Variants in USH2A observed in about 807,000 individuals in gnomAD.
USH2A encodes Usher syndrome 2A (autosomal recessive, mild).
USH2A carries 443 observed loss-of-function variants against 538.9 expected under a neutral mutation model. The ratio of observed to expected loss-of-function variants is 0.82; its 90% CI spans 0.76 to 0.89. The LOEUF (loss-of-function observed/expected upper bound fraction) is 0.89, where lower values mean the gene tolerates loss of function less well. Ranked by LOEUF, USH2A falls within the 40% of genes least tolerant of loss-of-function variation. The pLI, the probability that USH2A is intolerant of heterozygous loss-of-function variation, is 0.00. For synonymous variants in USH2A, 2,413 were observed against 2,273.5 expected, an observed-to-expected ratio of 1.06 and a Z score of -1.75; for missense variants, 6,633 against 6,324.8, an observed-to-expected ratio of 1.05 and a Z score of -1.65.
chr1:215,888,865 G>T lies in USH2A; in HGVS notation c.7784C>A (p.Ala2595Asp). 1 of 1,614,076 alleles carries T rather than the reference G, an allele frequency of 6.2e-7. No homozygotes were observed. Among genetic ancestry groups the T allele is most frequent in the Non-Finnish European group, 8.5e-7 (1 of 1,179,992 alleles). ...GCAGGCTTCTACCTGAAACTTATAG[G>T]CAGTGTATGGGTGTAAATGCATCAC... ...CTVMHLHPYT[A>D]YKFQVEACTS... The change falls in exon 41 of 72, where the codon GCC becomes GAC. Residue 2595 changes from alanine to aspartate, a missense_variant. Transcript: ENST00000307340.
intron 21 of USH2A, among the ~76,000 whole-genome samples, chr1:216,152,051 C>T (rs1279022233): frequency 6.6e-6 from 1 of 152,136 alleles, no homozygotes; most frequent in Non-Finnish European, 1.5e-5. Context: ...TCAGCTTAAT[C>T]TCTCCCACTC....
chr1:216,219,686 C>T (rs959070397), intron 14 of USH2A, among the ~76,000 whole-genome samples: 1 of 151,966 alleles, frequency 6.6e-6, no homozygotes, highest in Admixed American at 6.6e-5. Flanking sequence ...TATAAAGAAA[C>T]CTTTATTACA....
chr1:216,193,032 A>T (rs1300912545), intron 19 of USH2A, among the ~76,000 whole-genome samples: 1 of 152,148 alleles, frequency 6.6e-6, no homozygotes, highest in Non-Finnish European at 1.5e-5. Flanking sequence ...AAACAGGTTG[A>T]CTTCTAAGGC....
At chr1:216,220,882 A>T (rs2035445167) in intron 14 of USH2A, among the ~76,000 whole-genome samples, 1 of 152,212 alleles carries the variant, frequency 6.6e-6, no homozygotes, top group Admixed American at 6.5e-5. Flanking sequence ...TGATGAAGAC[A>T]TCATTCAACA....
intron 37 of USH2A, among the ~76,000 whole-genome samples, chr1:215,954,580 G>A (rs1012575206): frequency 3.8e-5 from 4 of 106,158 alleles, no homozygotes; most frequent in African/African-American, 1.1e-4. Context: ...GGGGGGAGGG[G>A]GGAGGGATAG....
chr1:216,230,017 G>A (rs959919271), intron 14 of USH2A, among the ~76,000 whole-genome samples: 13 of 152,294 alleles, frequency 8.5e-5, no homozygotes, highest in Admixed American at 2.0e-4. Context: ...CTGAGCAGGC[G>A]TTTTGCTGAT....
At chr1:216,220,088 A>G (rs1024011277) in intron 14 of USH2A, among the ~76,000 whole-genome samples, 5 of 152,150 alleles carry the variant, frequency 3.3e-5, no homozygotes, top group African/African-American at 1.2e-4. Context: ...AAACCTAACT[A>G]TTAATGAAAG....
Position 216,106,450 on chromosome 1 carries a change from AG to A in USH2A, c.4628-9238del, listed in dbSNP as rs202047967. On this transcript the variant is annotated intron_variant, in intron 21 of 71. Transcript: ENST00000307340. ...TGTGAAATGTCTTTCAGCTGTATTG[AG>A]ATAATATGATATTTTGCTATACTAT... is the stretch of plus-strand genomic sequence containing the variant. 6.6e-4 allele frequency among the ~76,000 whole-genome samples: 100 copies of A among 151,118 alleles called. 1 individual carries two copies. The East Asian group carries it at 0.016, about 25-fold the overall frequency.
In USH2A at chr1:215,759,762, C is replaced by T. The variant is rs764113446; in HGVS notation, c.11129G>A (p.Gly3710Asp). The change falls in exon 57 of 72, where the codon GGC becomes GAC. Residue 3710 changes from glycine (G) to aspartate (D), a missense_variant. Transcript: ENST00000307340. ...ACTCAATTGATATTGAGAAACGAGG[C>T]CATTGGGCTTTTCTGGCAGACTCCA... ...LYWSLPEKPNGLVSQYQLSRN... is the reference protein window; with the variant it reads ...LYWSLPEKPNDLVSQYQLSRN... 11 of 1,613,892 alleles carry T rather than the reference C, an allele frequency of 6.8e-6. No individual in the cohort carries two copies. Among genetic ancestry groups the T allele is most frequent in the Non-Finnish European group, 8.5e-6 (10 of 1,179,972 alleles).
chr1:216,185,235 A>T (rs1248818072), intron 20 of USH2A, among the ~76,000 whole-genome samples: 1 of 151,946 alleles, frequency 6.6e-6, no homozygotes, highest in Non-Finnish European at 1.5e-5. Context: ...CTCTCAAATC[A>T]GTTCTCAGAC....
At chr1:216,231,260 A>ATATATATAT (rs2035680095) in intron 14 of USH2A, among the ~76,000 whole-genome samples, 2 of 89,814 alleles carry the variant, frequency 2.2e-5, no homozygotes, top group Non-Finnish European at 4.4e-5. Context: ...TATATATATA[A>ATATATATAT]TATATATATA....
intron 42 of USH2A, 64 bp downstream of exon 42, chr1:215,878,700 T>C: frequency 1.3e-6 from 2 of 1,539,536 alleles, no homozygotes; most frequent in Non-Finnish European, 1.8e-6. Context: ...GCCTCCTTCA[T>C]TTCCCTACTT....
Position 215,728,483 on chromosome 1 carries a change from T to C in USH2A, c.11712-99A>G, listed in dbSNP as rs1349859319. 3.3e-6 allele frequency: 4 copies of C among 1,226,480 alleles called. No individual in the cohort carries two copies. In the Admixed American group the frequency reaches 8.0e-5, roughly 24 times the overall value. 76.0% of individuals were successfully genotyped at this position (1,226,480 alleles called of 1,614,324 possible). A position where few individuals can be genotyped will look rare whatever the true frequency, so the allele number is the denominator to read the frequency against. ...ATTTTTTTTAGAATTTGTTATCAACTTAACTTTTCAGCTGTTTCTTCCTGG... is the reference window on the plus strand; with the variant it reads ...ATTTTTTTTAGAATTTGTTATCAACCTAACTTTTCAGCTGTTTCTTCCTGG... On this transcript the variant is annotated intron_variant, in intron 60 of 71. Coordinates refer to ENST00000307340, the MANE Select transcript of USH2A (RefSeq NM_206933.4).
intron 41 of USH2A, among the ~76,000 whole-genome samples, chr1:215,882,238 C>T (rs921757679): frequency 6.6e-6 from 1 of 152,116 alleles, no homozygotes; most frequent in African/African-American, 2.4e-5. Flanking sequence ...TGAGACAATC[C>T]TTGCCATCGT....
In USH2A at chr1:215,625,615, G is replaced by A. The variant is rs1208581075; in HGVS notation, c.*166C>T. The A allele has an allele frequency of 1.5e-6, 1 of 676,804 alleles. No individual in the cohort carries two copies. The highest frequency in any genetic ancestry group is 2.7e-5 in the East Asian group (1 of 36,436). 41.9% of individuals were successfully genotyped at this position (676,804 alleles called of 1,614,324 possible). On this transcript the variant is annotated 3_prime_UTR_variant, in exon 72 of 72. Coordinates refer to ENST00000307340, the MANE Select transcript of USH2A (RefSeq NM_206933.4). ...AAGATGAGAAAAATATCATTTCTTA[G>A]ACCTCTATTAGGAAGGAACACTTTC...
chr1:215,712,845 C>T (rs1044107419), intron 61 of USH2A, among the ~76,000 whole-genome samples: 7 of 151,486 alleles, frequency 4.6e-5, no homozygotes, highest in African/African-American at 1.5e-4. Flanking sequence ...CTTGCTCTGT[C>T]ACCCAGGCTG....
At chr1:215,789,749 A>G (rs1422096442) in intron 51 of USH2A, among the ~76,000 whole-genome samples, 2 of 152,116 alleles carry the variant, frequency 1.3e-5, no homozygotes, top group Non-Finnish European at 2.9e-5. Flanking sequence ...CAGGCATGAA[A>G]TGGCACCATG....
chr1:215,984,548 A>ATAT (rs1303310958), intron 35 of USH2A, among the ~76,000 whole-genome samples: 1 of 152,188 alleles, frequency 6.6e-6, no homozygotes, highest in East Asian at 1.9e-4. Flanking sequence ...AAGCATATCC[A>ATAT]CTGGGATATA....
intron 44 of USH2A, among the ~76,000 whole-genome samples, chr1:215,864,318 T>C (rs1345123295): frequency 6.6e-6 from 1 of 152,182 alleles, no homozygotes; most frequent in African/African-American, 2.4e-5. Context: ...TGTGCTTTTC[T>C]GAGGATTGTA....
Sources: allele counts gnomAD v4.1 joint callset (sites outside exome capture counted in the v4.1 genomes callset), GRCh38; gene constraint gnomAD v4.1.1; transcripts MANE v1.5; gene names NCBI Gene and HGNC (gene_info 2026-07-23, HGNC 2026-07-21).